CNIH3: variants seen among roughly 807,000 people sequenced by gnomAD.
The protein encoded by CNIH3 is cornichon family AMPA receptor auxiliary protein 3, also known as protein cornichon homolog 3.
Under a neutral mutation model 24.1 loss-of-function variants are expected in CNIH3, and 14 were observed. The observed-to-expected ratio is 0.58, with a 90% CI of 0.38 to 0.91. The LOEUF is 0.91. Ranked by LOEUF, CNIH3 falls within the 40% of genes least tolerant of loss-of-function variation. CNIH3 has a pLI of 0.00. For synonymous variants in CNIH3, 68 were observed against 73.8 expected (o/e 0.92, Z 0.40); for missense variants, 178 against 196.8 (o/e 0.90, Z 0.57).
At chr1:224,718,760 GT>G (rs1558330384) in intron 3 of CNIH3, among the ~76,000 whole-genome samples, 4 of 152,034 alleles carry the variant, frequency 2.6e-5, no homozygotes, top group African/African-American at 9.7e-5. Flanking sequence ...GGAGCAGAGG[GT>G]TTTCCTGGGA....
chr1:224,578,457 C>A (rs1200125989), intron 4 of CNIH3, among the ~76,000 whole-genome samples: 2 of 152,138 alleles, frequency 1.3e-5, no homozygotes, highest in Non-Finnish European at 2.9e-5. Flanking sequence ...TTAAGGGTTT[C>A]CTTCACCATT....
Position 224,673,699 on chromosome 1 carries a change from C to T in CNIH3, c.82-7259C>T, listed in dbSNP as rs530367592. 4.6e-5 allele frequency among the ~76,000 whole-genome samples: 7 copies of T among 152,284 alleles called. No individual in the cohort carries two copies. In the South Asian group the frequency reaches 1.2e-3, roughly 27 times the overall value. On this transcript the variant is annotated intron_variant, in intron 1 of 5. Transcript: ENST00000272133. ...CTATTTGTGAATTATCTCTTCTGCC[C>T]TTACCCTTGATTATAACTTCTGTGA...
intron 3 of CNIH3, among the ~76,000 whole-genome samples, chr1:224,698,086 C>T (rs1293664193): frequency 6.6e-6 from 1 of 152,202 alleles, no homozygotes; most frequent in Non-Finnish European, 1.5e-5. Flanking sequence ...GGTCCTCCTC[C>T]AGAACTGAGT....
intron 2 of CNIH3, 152 bp downstream of exon 2, chr1:224,681,178 C>A: frequency 1.5e-6 from 1 of 680,118 alleles, no homozygotes; most frequent in South Asian, 1.8e-5. Flanking sequence ...GTGGAGGAGC[C>A]TTCTCATTCT....
chr1:224,532,996 T>C (rs1355415782), intron 2 of CNIH3, among the ~76,000 whole-genome samples: 1 of 152,182 alleles, frequency 6.6e-6, no homozygotes, highest in African/African-American at 2.4e-5. Context: ...CTAAATAGTA[T>C]CATTTATGTA....
chr1:224,502,945 A>G (rs1337004525), intron 1 of CNIH3, among the ~76,000 whole-genome samples: 2 of 151,270 alleles, frequency 1.3e-5, no homozygotes, highest in Non-Finnish European at 2.9e-5. Flanking sequence ...AGGTGATGGG[A>G]TCGGAGCTTT....
chr1:224,727,260 T>C (rs563915948), intron 3 of CNIH3, among the ~76,000 whole-genome samples: 55 of 152,194 alleles, frequency 3.6e-4, no homozygotes, highest in African/African-American at 1.2e-3. Flanking sequence ...ATGAGATAGG[T>C]TAAATCATGC....
chr1:224,719,796 C>T (rs956836805), intron 3 of CNIH3, among the ~76,000 whole-genome samples: 1 of 152,242 alleles, frequency 6.6e-6, no homozygotes, highest in Non-Finnish European at 1.5e-5. Flanking sequence ...CACTAAGACA[C>T]TGGCACTCAA....
chr1:224,452,334 G>A lies in CNIH3; in HGVS notation n.203+17472G>A, dbSNP rs188731458. On this transcript the variant is annotated intron_variant and non_coding_transcript_variant, in intron 1 of 5. Coordinates refer to the CNIH3 transcript ENST00000471578. ...CCGGCTAATTTTTGTATTTTTAGTA[G>A]GGACAGGGTTTCACCATGTTGGGCA... 1.1e-4 allele frequency among the ~76,000 whole-genome samples: 17 copies of A among 151,668 alleles called. No individual in the cohort carries two copies. The East Asian group carries it at 2.4e-3, about 21-fold the overall frequency.
At chr1:224,524,358 T>C (rs184983619) in intron 2 of CNIH3, among the ~76,000 whole-genome samples, 2 of 152,336 alleles carry the variant, frequency 1.3e-5, no homozygotes, top group African/African-American at 4.8e-5. Flanking sequence ...CTGTTTCCCC[T>C]TCTCATTTCC....
intron 1 of CNIH3, among the ~76,000 whole-genome samples, chr1:224,620,733 CT>C (rs1415230126): frequency 6.6e-6 from 1 of 152,078 alleles, no homozygotes; most frequent in Non-Finnish European, 1.5e-5. Flanking sequence ...GGCTCAGTGG[CT>C]CATGCTCGTA....
chr1:224,680,203 C>T (rs1278872146), intron 1 of CNIH3, among the ~76,000 whole-genome samples: 2 of 152,214 alleles, frequency 1.3e-5, no homozygotes, highest in African/African-American at 4.8e-5. Context: ...TTATTTATTC[C>T]TTCTGTAGCA....
At chr1:224,496,526 C>G (rs1185420720) in intron 1 of CNIH3, among the ~76,000 whole-genome samples, 1 of 152,200 alleles carries the variant, frequency 6.6e-6, no homozygotes, top group Admixed American at 6.5e-5. Flanking sequence ...ACAGGCCAAG[C>G]AAGGCTGGCC....
At chr1:224,466,861 T>C (rs2102991376) in intron 1 of CNIH3, among the ~76,000 whole-genome samples, 1 of 152,338 alleles carries the variant, frequency 6.6e-6, no homozygotes, top group East Asian at 1.9e-4. Context: ...AACATCTTTT[T>C]ATTAGCTTGT....
intron 3 of CNIH3, among the ~76,000 whole-genome samples, chr1:224,701,895 T>C (rs1424412042): frequency 1.3e-5 from 2 of 152,306 alleles, no homozygotes; most frequent in East Asian, 3.9e-4. Context: ...GTTTCAGTTA[T>C]AAAAATAATA....
chr1:224,686,040 G>A (rs953962921), intron 3 of CNIH3, among the ~76,000 whole-genome samples: 7 of 151,462 alleles, frequency 4.6e-5, no homozygotes, highest in African/African-American at 1.7e-4. Flanking sequence ...AAGTTCTAGG[G>A]TACATGTACA....
chr1:224,598,672 T>C (rs780033685), intron 3 of CNIH3, among the ~76,000 whole-genome samples: 1 of 152,206 alleles, frequency 6.6e-6, no homozygotes, highest in Non-Finnish European at 1.5e-5. Context: ...TCAGCAGCCA[T>C]CAACATGCAG....
At chr1:224,621,980 C>T (rs544133310) in intron 1 of CNIH3, among the ~76,000 whole-genome samples, 73 of 152,308 alleles carry the variant, frequency 4.8e-4, no homozygotes, top group Non-Finnish European at 7.8e-4. Flanking sequence ...AAGGGCAGTT[C>T]TCCTGCACAT....
chr1:224,736,268 G>A (rs1689585597), intron 5 of CNIH3, among the ~76,000 whole-genome samples: 1 of 152,080 alleles, frequency 6.6e-6, no homozygotes, highest in Non-Finnish European at 1.5e-5. Context: ...GGAATTATAG[G>A]CATGTACCAC....
Sources: allele counts gnomAD v4.1 joint callset (sites outside exome capture counted in the v4.1 genomes callset), GRCh38; gene constraint gnomAD v4.1.1; transcripts MANE v1.5; gene names NCBI Gene and HGNC (gene_info 2026-07-23, HGNC 2026-07-21).